Variants in MICU1 observed in about 807,000 individuals in gnomAD.
MICU1 encodes the protein calcium uptake protein 1, mitochondrial.
In MICU1, 45 loss-of-function variants were observed where a neutral mutation model predicts 56.8. The ratio of observed to expected loss-of-function variants is 0.79; its 90% CI spans 0.62 to 1.02. The LOEUF (loss-of-function observed/expected upper bound fraction) is 1.02. Ranked by LOEUF, MICU1 falls within the 50% of genes least tolerant of loss-of-function variation. The pLI is 0.00. For missense variants in MICU1, 504 were observed against 587.1 expected, an observed-to-expected ratio of 0.86 and a Z score of 1.46; for synonymous variants, 186 against 195.1, an observed-to-expected ratio of 0.95 and a Z score of 0.39.
intron 1 of MICU1, among the ~76,000 whole-genome samples, chr10:72,609,907 T>C (rs11598543): frequency 0.59 from 88,398 of 151,090 alleles, 27,117 homozygotes; most frequent in Non-Finnish European, 0.67. Flanking sequence ...TGGTGGTGCG[T>C]GCCTGTAATC....
intron 5 of MICU1, among the ~76,000 whole-genome samples, chr10:72,520,743 T>C (rs1867792912): frequency 6.6e-6 from 1 of 152,152 alleles, no homozygotes; most frequent in Non-Finnish European, 1.5e-5. Flanking sequence ...TGGCAGATGA[T>C]TTGATTAAAA....
chr10:72,532,635 C>T (rs1457859272), intron 5 of MICU1, among the ~76,000 whole-genome samples: 1 of 152,134 alleles, frequency 6.6e-6, no homozygotes, highest in African/African-American at 2.4e-5. Flanking sequence ...TGTCCCAAAG[C>T]AGAGTTAGGA....
chr10:72,594,617 A>T (rs1841319934), intron 1 of MICU1, among the ~76,000 whole-genome samples: 1 of 152,168 alleles, frequency 6.6e-6, no homozygotes, highest in South Asian at 2.1e-4. Flanking sequence ...GTAAAAAGAT[A>T]GCCAGGTGTG....
intron 8 of MICU1, among the ~76,000 whole-genome samples, chr10:72,462,560 C>T (rs909515673): frequency 1.3e-5 from 2 of 152,120 alleles, no homozygotes; most frequent in Non-Finnish European, 1.5e-5. Context: ...TCTGTAGCCA[C>T]GGACTGTTGT....
chr10:72,581,926 G>GT (rs1234263393), intron 1 of MICU1, among the ~76,000 whole-genome samples: 1 of 152,048 alleles, frequency 6.6e-6, no homozygotes, highest in East Asian at 1.9e-4. Flanking sequence ...GAGTGTTTTT[G>GT]TTTTTTGGTT....
intron 5 of MICU1, among the ~76,000 whole-genome samples, chr10:72,525,003 T>C (rs1016012592): frequency 6.6e-6 from 1 of 152,184 alleles, no homozygotes; most frequent in African/African-American, 2.4e-5. Flanking sequence ...GGCAAATAGT[T>C]GCTTTGCCAC....
intron 8 of MICU1, among the ~76,000 whole-genome samples, chr10:72,430,390 G>T (rs1415930190): frequency 2.0e-5 from 3 of 151,816 alleles, no homozygotes; most frequent in Non-Finnish European, 4.4e-5. Context: ...ATAAATTATG[G>T]GATCTTTAAA....
intron 3 of MICU1, among the ~76,000 whole-genome samples, chr10:72,551,689 T>C (rs1336586341): frequency 6.6e-6 from 1 of 152,198 alleles, no homozygotes; most frequent in Non-Finnish European, 1.5e-5. Context: ...ATTTCAGTAA[T>C]AGGGTACAAT....
At chr10:72,496,003 G>A (rs1866828574) in intron 6 of MICU1, among the ~76,000 whole-genome samples, 1 of 151,042 alleles carries the variant, frequency 6.6e-6, no homozygotes, top group African/African-American at 2.4e-5. Flanking sequence ...GTCCTGCTCT[G>A]TCACCCAGGC....
At chr10:72,554,534 C>T (rs1840112030) in intron 3 of MICU1, among the ~76,000 whole-genome samples, 1 of 152,168 alleles carries the variant, frequency 6.6e-6, no homozygotes, top group East Asian at 1.9e-4. Context: ...GGCCTGCATT[C>T]TGTCACTTGT....
intron 8 of MICU1, among the ~76,000 whole-genome samples, chr10:72,435,968 G>A (rs530152101): frequency 6.6e-6 from 1 of 152,370 alleles, no homozygotes; most frequent in South Asian, 2.1e-4. Context: ...GGGCATAGCT[G>A]AACAAAAGCC....
At chr10:72,538,102 G>C (rs1365764761) in intron 4 of MICU1, among the ~76,000 whole-genome samples, 3 of 151,882 alleles carry the variant, frequency 2.0e-5, no homozygotes, top group African/African-American at 7.3e-5. Context: ...ACCTCACTAT[G>C]CCCACAGTAT....
intron 4 of MICU1, among the ~76,000 whole-genome samples, chr10:72,547,949 AACC>A (rs1839936949): frequency 6.6e-6 from 1 of 152,212 alleles, no homozygotes; most frequent in African/African-American, 2.4e-5. Context: ...CCATCTGAGA[AACC>A]ATGTAGTCTG....
At chr10:72,512,320 G>A (rs1013014310) in intron 5 of MICU1, among the ~76,000 whole-genome samples, 4 of 151,898 alleles carry the variant, frequency 2.6e-5, no homozygotes, top group Non-Finnish European at 5.9e-5. Flanking sequence ...ATATTGGCCA[G>A]ATGGTCTCGA....
chr10:72,479,174 A>G (rs912194034), intron 6 of MICU1, among the ~76,000 whole-genome samples: 1 of 152,212 alleles, frequency 6.6e-6, no homozygotes, highest in Admixed American at 6.5e-5. Context: ...TTAAATGGCT[A>G]GCTCAAAAAT....
intron 4 of MICU1, among the ~76,000 whole-genome samples, chr10:72,546,277 A>G (rs1839891806): frequency 6.6e-6 from 1 of 152,220 alleles, no homozygotes; most frequent in Non-Finnish European, 1.5e-5. Flanking sequence ...TTAAGTTTAG[A>G]CTAAAGCTGC....
At chr10:72,624,447 G>T (rs548639821) in intron 1 of MICU1, among the ~76,000 whole-genome samples, 6 of 152,032 alleles carry the variant, frequency 3.9e-5, no homozygotes, top group Admixed American at 6.6e-5. Context: ...CAAATTGCTG[G>T]GATTATGGGC....
At chr10:72,603,730 G>C (rs1372588605) in intron 1 of MICU1, among the ~76,000 whole-genome samples, 2 of 152,204 alleles carry the variant, frequency 1.3e-5, no homozygotes, top group Non-Finnish European at 2.9e-5. Context: ...CTTGAACCTG[G>C]GAGGCAGAGG....
At chr10:72,454,382 A>G (rs1313937510) in intron 8 of MICU1, among the ~76,000 whole-genome samples, 1 of 151,762 alleles carries the variant, frequency 6.6e-6, no homozygotes, top group East Asian at 2.0e-4. Context: ...TGAACCGGGG[A>G]GATGGAGGTT....
Sources: gnomAD v4.1 joint callset for allele counts (sites outside exome capture counted in the v4.1 genomes callset) on GRCh38, gnomAD v4.1.1 for gene constraint, MANE v1.5 for transcripts, NCBI Gene and HGNC (gene_info 2026-07-23, HGNC 2026-07-21) for gene names.